Variants in CHCHD6 observed in about 807,000 individuals in gnomAD.
CHCHD6 encodes MICOS complex subunit MIC25.
In CHCHD6, 28 loss-of-function variants were observed where a neutral mutation model predicts 32.3. That is an observed-to-expected ratio of 0.87 (90% CI 0.64 to 1.19). CHCHD6 has a LOEUF of 1.19. CHCHD6 is among the 50% of genes most tolerant of loss of function. The pLI is 0.00. For synonymous variants in CHCHD6, 122 were observed against 117.5 expected (o/e 1.04, Z -0.25); for missense variants, 333 against 307.0 (o/e 1.08, Z -0.63).
At chr3:126,766,695 G>A (rs1352025354) in intron 4 of CHCHD6, 11 of 1,111,376 alleles carry the variant, frequency 9.9e-6, no homozygotes, top group Non-Finnish European at 1.5e-5. Flanking sequence ...CACAAGCCAG[G>A]CTCTGGATTA....
intron 5 of CHCHD6, among the ~76,000 whole-genome samples, chr3:126,892,083 T>C (rs889062212): frequency 6.6e-6 from 1 of 152,150 alleles, no homozygotes; most frequent in African/African-American, 2.4e-5. Context: ...ATGTTTTTTC[T>C]CATGGGGACC....
At chr3:126,721,966 A>G (rs1576337508) in intron 1 of CHCHD6, among the ~76,000 whole-genome samples, 3 of 152,266 alleles carry the variant, frequency 2.0e-5, no homozygotes, top group Admixed American at 6.5e-5. Context: ...TTGTATAGAT[A>G]TACTTCATTT....
intron 4 of CHCHD6, among the ~76,000 whole-genome samples, chr3:126,833,863 G>A (rs1010545272): frequency 7.3e-5 from 11 of 151,504 alleles, no homozygotes; most frequent in African/African-American, 2.2e-4. Flanking sequence ...AGACCATCCC[G>A]GCTAAAACGG....
chr3:126,757,177 G>C (rs1936983629), intron 4 of CHCHD6, among the ~76,000 whole-genome samples: 1 of 152,172 alleles, frequency 6.6e-6, no homozygotes, highest in Admixed American at 6.5e-5. Context: ...ACACTCAAAG[G>C]AAATGCTCAT....
At chr3:126,877,928 A>G (rs2077561926) in intron 5 of CHCHD6, among the ~76,000 whole-genome samples, 1 of 152,234 alleles carries the variant, frequency 6.6e-6, no homozygotes, top group Admixed American at 6.5e-5. Flanking sequence ...ACTTTTGAAC[A>G]TAGTACTCTG....
intron 4 of CHCHD6, among the ~76,000 whole-genome samples, chr3:126,819,561 A>G (rs560603898): frequency 6.6e-6 from 1 of 152,352 alleles, no homozygotes; most frequent in South Asian, 2.1e-4. Flanking sequence ...AATGACTGCC[A>G]TGGAGGTATG....
At chr3:126,737,394 A>G (rs1341515315) in intron 4 of CHCHD6, among the ~76,000 whole-genome samples, 2 of 120,510 alleles carry the variant, frequency 1.7e-5, no homozygotes, top group African/African-American at 9.8e-5. Flanking sequence ...GTGTGAGTAT[A>G]TATATATATA....
At chr3:126,860,983 G>T (rs1941838168) in intron 5 of CHCHD6, among the ~76,000 whole-genome samples, 1 of 152,130 alleles carries the variant, frequency 6.6e-6, no homozygotes, top group Non-Finnish European at 1.5e-5. Context: ...AACCGAGTTT[G>T]AATTAAGACT....
chr3:126,802,754 C>T (rs1161504892), intron 4 of CHCHD6, among the ~76,000 whole-genome samples: 3 of 152,138 alleles, frequency 2.0e-5, no homozygotes, highest in Non-Finnish European at 4.4e-5. Flanking sequence ...CTCCAAGACA[C>T]ATAACTGTCA....
At chr3:126,732,062 T>C (rs1010957985) in intron 3 of CHCHD6, among the ~76,000 whole-genome samples, 1 of 143,172 alleles carries the variant, frequency 7.0e-6, no homozygotes, top group Admixed American at 7.2e-5. Flanking sequence ...CTGGACCACA[T>C]TGTGAGACCC....
At chr3:126,919,310 C>CTTTTT (rs869129860) in intron 6 of CHCHD6, among the ~76,000 whole-genome samples, 2 of 29,250 alleles carry the variant, frequency 6.8e-5, no homozygotes, top group Non-Finnish European at 1.3e-4. Context: ...TATTTCTTTT[C>CTTTTT]TTTTTTCTTT....
chr3:126,865,194 T>TCCTTTTCCC (rs1942246320), intron 5 of CHCHD6, among the ~76,000 whole-genome samples: 1 of 137,782 alleles, frequency 7.3e-6, no homozygotes, highest in African/African-American at 2.7e-5. Context: ...CACTACCACC[T>TCCTTTTCCC]CCACTTCTTC....
chr3:126,944,845 G>C (rs2078612165), intron 6 of CHCHD6, among the ~76,000 whole-genome samples: 1 of 152,224 alleles, frequency 6.6e-6, no homozygotes, highest in Non-Finnish European at 1.5e-5. Context: ...CAATCAGGCA[G>C]GATGGAGACT....
intron 5 of CHCHD6, among the ~76,000 whole-genome samples, chr3:126,909,043 T>C (rs1469374144): frequency 6.6e-6 from 1 of 152,222 alleles, no homozygotes. Flanking sequence ...CTTTCTTTGC[T>C]ATTAGACATA....
chr3:126,763,927 T>C (rs778879670), intron 4 of CHCHD6, among the ~76,000 whole-genome samples: 5 of 152,152 alleles, frequency 3.3e-5, no homozygotes, highest in African/African-American at 7.2e-5. Context: ...TACATAATGC[T>C]GAAATTGTAT....
intron 5 of CHCHD6, among the ~76,000 whole-genome samples, chr3:126,893,709 T>C (rs35573656): frequency 0.047 from 7,126 of 152,216 alleles, 218 homozygotes; most frequent in Non-Finnish European, 0.067. Context: ...TAAGGGGAGA[T>C]AGTTAAAACA....
intron 4 of CHCHD6, chr3:126,766,819 T>C: frequency 1.0e-6 from 1 of 995,408 alleles, no homozygotes; most frequent in East Asian, 2.4e-5. Flanking sequence ...GGAGCAGGTG[T>C]AACCAGTATA....
intron 4 of CHCHD6, among the ~76,000 whole-genome samples, chr3:126,797,034 G>T (rs1281535276): frequency 6.6e-6 from 1 of 152,156 alleles, no homozygotes; most frequent in Non-Finnish European, 1.5e-5. Context: ...GTTTTTCAGA[G>T]GCTTAGATGG....
In CHCHD6 at chr3:126,953,606, C is replaced by T. The variant is rs148089554; in HGVS notation, c.567-3810C>T. On this transcript the variant is annotated intron_variant, in intron 6 of 7. Transcript: ENST00000290913. The stretch of plus-strand genomic sequence containing the variant: ...CATGCAATTCTGTTCTTCTATGGGG[C>T]AAGCGGTGTTACTGTTCCCATTGTA... Among the ~76,000 whole-genome samples, 4 of 152,320 alleles carry T rather than the reference C, an allele frequency of 2.6e-5. No homozygotes were observed. The East Asian group carries it at 7.7e-4, about 29-fold the overall frequency.
Sources: gnomAD v4.1 joint callset for allele counts (sites outside exome capture counted in the v4.1 genomes callset) on GRCh38, gnomAD v4.1.1 for gene constraint, MANE v1.5 for transcripts, NCBI Gene and HGNC (gene_info 2026-07-23, HGNC 2026-07-21) for gene names.